Variants in ZNF599 observed in about 807,000 individuals in gnomAD.
ZNF599 encodes the protein zinc finger protein 599.
ZNF599 carries 10 observed loss-of-function variants against 11.7 expected under a neutral mutation model. The ratio of observed to expected loss-of-function variants is 0.86; its 90% confidence interval spans 0.53 to 1.45. ZNF599 has a LOEUF of 1.45. ZNF599 is among the 40% of genes most tolerant of loss of function. The probability of loss-of-function intolerance (pLI) is 0.00; values close to 1 mark genes in which losing one functional copy is unlikely to be tolerated. For missense variants in ZNF599, 688 were observed against 713.6 expected, an observed-to-expected ratio of 0.96 and a Z score of 0.41; for synonymous variants, 232 against 253.2, an observed-to-expected ratio of 0.92 and a Z score of 0.79.
chr19:34,800,591 T>TTG, the ZNF599 span, among the ~76,000 whole-genome samples: 1 of 146,050 alleles, frequency 6.8e-6, no homozygotes, highest in Admixed American at 6.8e-5. Flanking sequence ...CCTTTGTTTT[T>TTG]TTTTTTTTTT....
At chr19:34,777,460 A>C (rs1213029949), upstream of ZNF599, among the ~76,000 whole-genome samples, 9 of 99,020 alleles carry the variant, frequency 9.1e-5, no homozygotes, top group Admixed American at 6.5e-4. Flanking sequence ...TTAATATATA[A>C]TATATTATAT....
chr19:34,780,270 G>A, the ZNF599 span, among the ~76,000 whole-genome samples: 1 of 152,144 alleles, frequency 6.6e-6, no homozygotes, highest in South Asian at 2.1e-4. Context: ...CATTTTGGGA[G>A]GCTAAGGTGG....
chr19:34,792,394 T>A, the ZNF599 span, among the ~76,000 whole-genome samples: 1 of 152,160 alleles, frequency 6.6e-6, no homozygotes, highest in Non-Finnish European at 1.5e-5. Context: ...CAGGGAGGAT[T>A]GAAAAGTGTG....
At chr19:34,770,435 G>A (rs1325533747) in intron 1 of ZNF599, among the ~76,000 whole-genome samples, 1 of 152,232 alleles carries the variant, frequency 6.6e-6, no homozygotes, top group Non-Finnish European at 1.5e-5. Flanking sequence ...AATATTGCCA[G>A]AGGTATGGAA....
rs1381811914 is a variant in ZNF599 at position 34,758,821 on chromosome 19, T to A, written c.*213A>T. ...AGTGTAAGGCTCTAAACTGGGTGAA[T>A]CTTTAATATAATTCTTTGGATGACA... is the stretch of plus-strand genomic sequence containing the variant. On this transcript the variant is annotated 3_prime_UTR_variant, in exon 4 of 4. Coordinates refer to ENST00000329285, the MANE Select transcript of ZNF599 (RefSeq NM_001007248.3). 14 of 556,616 alleles carry A rather than the reference T, an allele frequency of 2.5e-5. No individual in the cohort carries two copies. The Admixed American group carries it at 4.7e-4, about 19-fold the overall frequency. 34.5% of individuals were successfully genotyped at this position (556,616 alleles called of 1,614,324 possible).
intron 2 of ZNF599, among the ~76,000 whole-genome samples, chr19:34,767,658 G>A (rs1043318066): frequency 6.6e-6 from 1 of 152,180 alleles, no homozygotes; most frequent in Non-Finnish European, 1.5e-5. Context: ...TGAGCAGAAG[G>A]ACTGAGTGCT....
chr19:34,773,944 G>A (rs549015098), upstream of ZNF599, among the ~76,000 whole-genome samples: 1 of 152,242 alleles, frequency 6.6e-6, no homozygotes, highest in South Asian at 2.1e-4. Context: ...TGCTAGGGGA[G>A]GGTCTGAGAT....
chr19:34,774,899 G>C (rs971746547), upstream of ZNF599, among the ~76,000 whole-genome samples: 1 of 152,088 alleles, frequency 6.6e-6, no homozygotes, highest in Non-Finnish European at 1.5e-5. Flanking sequence ...TGGATCGTGA[G>C]GGTAGATTTC....
chr19:34,777,471 A>G (rs2069226055), upstream of ZNF599, among the ~76,000 whole-genome samples: 2 of 102,240 alleles, frequency 2.0e-5, no homozygotes, highest in Non-Finnish European at 3.6e-5. Flanking sequence ...TATATTATAT[A>G]TTAATTAATA....
chr19:34,760,430 T>G lies in ZNF599; in HGVS notation c.371A>C (p.Glu124Ala), dbSNP rs774811278. 5 of 1,614,192 alleles carry G rather than the reference T, an allele frequency of 3.1e-6. No individual in the cohort carries two copies. Among genetic ancestry groups the G allele is most frequent in the Non-Finnish European group, 3.4e-6 (4 of 1,180,028 alleles). Reference sequence around the variant, plus strand: ...TTCCTGAATTTTTATTAGCTTTTCCTCATCTCTAGCTTGCCCCAACCTGGA... The same window carrying G: ...TTCCTGAATTTTTATTAGCTTTTCCGCATCTCTAGCTTGCCCCAACCTGGA... ...RDSRLGQARD[E>A]EKLIKIQEGN... The change falls in exon 4 of 4, where the codon GAG (glutamate) becomes GCG (alanine). Residue 124 changes from glutamate to alanine, a missense_variant. Coordinates refer to ENST00000329285, the MANE Select transcript of ZNF599 (RefSeq NM_001007248.3).
intron 3 of ZNF599, chr19:34,763,050 A>C (rs575342877): frequency 1.2e-4 from 19 of 152,332 alleles, no homozygotes; most frequent in Admixed American, 5.2e-4. Flanking sequence ...TATGAAAAAA[A>C]CCTGAATCTT....
the ZNF599 span, among the ~76,000 whole-genome samples, chr19:34,792,862 CA>C: frequency 0.92 from 133,325 of 144,760 alleles, 61,645 homozygotes; most frequent in Middle Eastern, 0.98. Flanking sequence ...GACTCTGTCT[CA>C]AAAAAAAAAA....
the ZNF599 span, among the ~76,000 whole-genome samples, chr19:34,795,371 C>T: frequency 6.6e-6 from 1 of 152,142 alleles, no homozygotes; most frequent in Admixed American, 6.5e-5. Context: ...ATCTCTCAGG[C>T]TCAAGCAACC....
the ZNF599 span, among the ~76,000 whole-genome samples, chr19:34,781,071 G>A: frequency 3.8e-4 from 58 of 152,170 alleles, no homozygotes; most frequent in African/African-American, 1.4e-3. Flanking sequence ...CAGGAGAATG[G>A]CGTGAACCCG....
At chr19:34,778,178 A>G (rs1410610114), upstream of ZNF599, among the ~76,000 whole-genome samples, 1 of 152,112 alleles carries the variant, frequency 6.6e-6, no homozygotes, top group East Asian at 1.9e-4. Flanking sequence ...ACACAGCTGA[A>G]AGACAATTTG....
upstream of ZNF599, among the ~76,000 whole-genome samples, chr19:34,774,911 CA>C (rs2069209939): frequency 6.6e-6 from 1 of 152,128 alleles, no homozygotes; most frequent in African/African-American, 2.4e-5. Context: ...GTAGATTTCT[CA>C]TGAATGATTT....
At chr19:34,797,383 C>G in the ZNF599 span, among the ~76,000 whole-genome samples, 34 of 152,140 alleles carry the variant, frequency 2.2e-4, 1 homozygote, top group East Asian at 5.6e-3. Context: ...CCTGAGGAAT[C>G]GCCACACTGA....
the ZNF599 span, among the ~76,000 whole-genome samples, chr19:34,803,566 TC>T: frequency 6.6e-6 from 1 of 152,134 alleles, no homozygotes; most frequent in Non-Finnish European, 1.5e-5. Flanking sequence ...CACCCCATAT[TC>T]ATACTCCTTC....
At chr19:34,767,539 C>T (rs2069153054) in intron 2 of ZNF599, 128 bp from the exon 3 acceptor site, 1 of 615,216 alleles carries the variant, frequency 1.6e-6, no homozygotes, top group Non-Finnish European at 2.8e-6. Context: ...CCCTGCCTCA[C>T]CAAAAGTATT....
Sources: allele counts gnomAD v4.1 joint callset (sites outside exome capture counted in the v4.1 genomes callset), GRCh38; gene constraint gnomAD v4.1.1; transcripts MANE v1.5; gene names NCBI Gene and HGNC (gene_info 2026-07-23, HGNC 2026-07-21).